JPT1: variants seen among roughly 807,000 people sequenced by gnomAD.
JPT1 encodes the protein androgen-regulated protein 2.
A neutral mutation model predicts 17.0 loss-of-function variants in JPT1; 5 were observed. The ratio of observed to expected loss-of-function variants is 0.29; its 90% confidence interval spans 0.15 to 0.62. The LOEUF (loss-of-function observed/expected upper bound fraction) is 0.62, where lower values mean the gene tolerates loss of function less well. Ranked by LOEUF, JPT1 falls within the 20% of genes least tolerant of loss-of-function variation. The probability of loss-of-function intolerance (pLI) is 0.85; values close to 1 mark genes in which losing one functional copy is unlikely to be tolerated. For missense variants in JPT1, 158 were observed against 188.1 expected (o/e 0.84, Z 0.94); for synonymous variants, 71 against 73.6 (o/e 0.96, Z 0.18).
chr17:75,143,029 C>A (rs916429929), intron 4 of JPT1, among the ~76,000 whole-genome samples: 2 of 152,158 alleles, frequency 1.3e-5, no homozygotes, highest in Non-Finnish European at 2.9e-5. Flanking sequence ...CTCCTGTCCT[C>A]CTTTTACCTG....
intron 1 of JPT1, among the ~76,000 whole-genome samples, chr17:75,149,862 TAC>T (rs58993126): frequency 0.039 from 5,769 of 147,560 alleles, 157 homozygotes; most frequent in Non-Finnish European, 0.056. Flanking sequence ...CTTACACACT[TAC>T]ACACACACAC....
chr17:75,139,504 A>T (rs1177042792), intron 4 of JPT1, among the ~76,000 whole-genome samples: 3 of 152,120 alleles, frequency 2.0e-5, no homozygotes, highest in Non-Finnish European at 4.4e-5. Context: ...GAGACTAAAC[A>T]AGCAGCAGTA....
At chr17:75,149,883 A>ACT (rs1555652227) in intron 1 of JPT1, among the ~76,000 whole-genome samples, 3 of 149,602 alleles carry the variant, frequency 2.0e-5, no homozygotes, top group Non-Finnish European at 4.5e-5. Flanking sequence ...ACACACACAC[A>ACT]CTTAAGTCAG....
At chr17:75,145,129 A>C (rs1256645801) in intron 4 of JPT1, 3 of 137,568 alleles carry the variant, frequency 2.2e-5, no homozygotes, top group African/African-American at 8.5e-5. Context: ...CTGCCACTGC[A>C]CTCCAGCCTG....
intron 4 of JPT1, among the ~76,000 whole-genome samples, chr17:75,138,168 G>T (rs2074243527): frequency 6.6e-6 from 1 of 151,920 alleles, no homozygotes; most frequent in Non-Finnish European, 1.5e-5. Flanking sequence ...CACCATGTTG[G>T]CCTGGCTGGT....
chr17:75,139,305 T>C (rs979639740), intron 4 of JPT1, among the ~76,000 whole-genome samples: 3 of 152,192 alleles, frequency 2.0e-5, no homozygotes, highest in African/African-American at 4.8e-5. Flanking sequence ...TTAATGAACA[T>C]TCTGAAGAAC....
chr17:75,147,775 G>A (rs2074468555), intron 2 of JPT1, 122 bp from the exon 3 acceptor site: 3 of 696,862 alleles, frequency 4.3e-6, no homozygotes, highest in South Asian at 3.2e-5. Context: ...GAGGCGGGCA[G>A]ATCACCTGAG....
chr17:75,137,324 TTTTG>T (rs60045220), intron 4 of JPT1, among the ~76,000 whole-genome samples: 9 of 150,546 alleles, frequency 6.0e-5, no homozygotes, highest in South Asian at 2.1e-4. Context: ...TTTTTAGTTT[TTTTG>T]TTTGTTTGTT....
chr17:75,147,956 ACCACT>A (rs1568035255), intron 2 of JPT1: 3 of 345,286 alleles, frequency 8.7e-6, no homozygotes, highest in African/African-American at 2.0e-5. Flanking sequence ...CCAAGATGGC[ACCACT>A]GCACTCTGTA....
intron 1 of JPT1, among the ~76,000 whole-genome samples, chr17:75,150,847 C>CTTTTTTTTTTTTTTTTTTT (rs59267123): frequency 1.1e-4 from 7 of 65,954 alleles, no homozygotes; most frequent in Non-Finnish European, 2.0e-4. Flanking sequence ...ATTTTTCTTT[C>CTTTTTTTTTTTTTTTTTTT]TTTTTTTTTT....
chr17:75,142,633 AGGG>A (rs1568031212), intron 4 of JPT1: 66 of 250,156 alleles, frequency 2.6e-4, no homozygotes, highest in Admixed American at 1.2e-3. Flanking sequence ...GAGGGAGGGG[AGGG>A]AGGGGAGGGG....
At position 75,154,451 on chromosome 17, in the gene JPT1, A is replaced by G. The variant is rs2074604305; in HGVS notation, c.-54T>C. On this transcript the variant is annotated 5_prime_UTR_variant, in exon 1 of 5. Coordinates refer to ENST00000409753, the MANE Select transcript of JPT1 (RefSeq NM_016185.4). The stretch of plus-strand genomic sequence containing the variant: ...CGGAGCAGAACGCTCAAAGGGTCGG[A>G]CCCGAGGGGCGCTGGGAAACTCCAC... The G allele has an allele frequency of 1.3e-6, 2 of 1,501,910 alleles. No homozygotes were observed. Among genetic ancestry groups the G allele is most frequent in the Admixed American group, 4.0e-5 (2 of 49,608 alleles). 93.0% of individuals were successfully genotyped at this position (1,501,910 alleles called of 1,614,324 possible).
chr17:75,148,484 G>A, intron 2 of JPT1, 45 bp downstream of exon 2: 1 of 1,602,408 alleles, frequency 6.2e-7, no homozygotes, highest in Non-Finnish European at 8.5e-7. Flanking sequence ...GGCTGTTGAT[G>A]CTGGGCCCAT....
chr17:75,152,515 T>C (rs556414528), intron 1 of JPT1, among the ~76,000 whole-genome samples: 2 of 152,310 alleles, frequency 1.3e-5, no homozygotes, highest in East Asian at 1.9e-4. Context: ...AGCATAATAT[T>C]GGAGGGAAAT....
intron 1 of JPT1, chr17:75,153,853 A>C (rs943119136): frequency 1.3e-5 from 2 of 152,348 alleles, no homozygotes; most frequent in Admixed American, 1.3e-4. Flanking sequence ...CTCCGGATCC[A>C]ATGGCTGCGC....
intron 1 of JPT1, chr17:75,153,003 C>T (rs2074577452): frequency 6.6e-6 from 1 of 152,156 alleles, no homozygotes; most frequent in African/African-American, 2.4e-5. Context: ...GTGAGGCGTG[C>T]TTTTTGTTCC....
At chr17:75,149,011 G>A (rs1267771108) in intron 1 of JPT1, 6 of 1,273,292 alleles carry the variant, frequency 4.7e-6, no homozygotes, top group African/African-American at 1.5e-5. Flanking sequence ...GGGCTTGGCT[G>A]AATATACTTT....
intron 2 of JPT1, among the ~76,000 whole-genome samples, chr17:75,148,297 G>A (rs545962201): frequency 6.6e-6 from 1 of 152,134 alleles, no homozygotes; most frequent in Non-Finnish European, 1.5e-5. Flanking sequence ...CTAGGCTGGA[G>A]GGCAGTGGCT....
At chr17:75,144,305 T>C (rs1007928960) in intron 4 of JPT1, among the ~76,000 whole-genome samples, 5 of 152,024 alleles carry the variant, frequency 3.3e-5, no homozygotes, top group Non-Finnish European at 5.9e-5. Flanking sequence ...GAGGATCACA[T>C]GACTGGCCTG....
Sources: allele counts gnomAD v4.1 joint callset (sites outside exome capture counted in the v4.1 genomes callset), GRCh38; gene constraint gnomAD v4.1.1; transcripts MANE v1.5; gene names NCBI Gene and HGNC (gene_info 2026-07-23, HGNC 2026-07-21).